Variants in MYBPC3 observed in about 807,000 individuals in gnomAD.
MYBPC3 encodes the protein myosin binding protein C3.
MYBPC3 carries 108 observed loss-of-function variants against 159.3 expected under a neutral mutation model. The ratio of observed to expected loss-of-function variants is 0.68; its 90% CI spans 0.58 to 0.80. The LOEUF is 0.80. Ranked by LOEUF, MYBPC3 falls within the 30% of genes least tolerant of loss-of-function variation. MYBPC3 has a pLI of 0.00. For missense variants in MYBPC3, 1,631 were observed against 1,762.1 expected (o/e 0.93, Z 1.33); for synonymous variants, 730 against 702.0 (o/e 1.04, Z -0.63).
intron 27 of MYBPC3, among the ~76,000 whole-genome samples, chr11:47,334,778 G>A (rs1209944001): frequency 2.6e-5 from 4 of 152,186 alleles, no homozygotes; most frequent in African/African-American, 9.7e-5. Flanking sequence ...GGCCAGGCTG[G>A]TCTCAAACTC....
In MYBPC3 at chr11:47,347,311, A is replaced by G. The variant is rs1276472964; in HGVS notation, c.905+115T>C. On this transcript the variant is annotated intron_variant, in intron 9 of 34. Coordinates refer to ENST00000545968, the MANE Select transcript of MYBPC3 (RefSeq NM_000256.3). ...GATCATCCCCTCGACAGACAAGGAAACCAACTCAGAGAGGTGCAGTGTTGT... is the reference window on the plus strand; with the variant it reads ...GATCATCCCCTCGACAGACAAGGAAGCCAACTCAGAGAGGTGCAGTGTTGT... 3.9e-6 allele frequency: 6 copies of G among 1,529,158 alleles called. No homozygotes were observed. The Admixed American group carries it at 6.0e-5, about 15-fold the overall frequency. The allele number at this position is 1,529,158 out of a possible 1,614,324, so 94.7% of individuals were successfully genotyped here. A position where few individuals can be genotyped will look rare whatever the true frequency, so the allele number is the denominator to read the frequency against.
At chr11:47,348,634 G>A (rs929278944) in intron 5 of MYBPC3, 93 bp from the exon 6 acceptor site, 15 of 970,768 alleles carry the variant, frequency 1.5e-5, no homozygotes, top group Non-Finnish European at 2.3e-5. Flanking sequence ...GGCCGGGCGC[G>A]GTGGCTCAGG....
intron 12 of MYBPC3, among the ~76,000 whole-genome samples, chr11:47,344,945 C>T (rs1426340153): frequency 6.6e-6 from 1 of 152,148 alleles, no homozygotes; most frequent in East Asian, 1.9e-4. Context: ...CGCCTGCCAC[C>T]ATGCCCAGGT....
Position 47,351,308 on chromosome 11 carries a change from C to T in MYBPC3, c.223G>A (p.Asp75Asn), listed in dbSNP as rs375471260. Residue 75 changes from aspartate to asparagine, a missense_variant, in exon 2 of 35, where the codon GAC becomes AAC. Asp to Asn is a conservative substitution (Grantham distance 23). Transcript: ENST00000545968. This position sits in a 1 kb window ranked among gnomAD's most constrained non-coding sequence, Gnocchi z 4.2. Reference protein sequence around the residue: ...TLTVREVGPADQGSYAVIAGS... With the variant: ...TLTVREVGPANQGSYAVIAGS... ...GCAATGACTGCGTAAGATCCCTGGT[C>T]GGCAGGGCCCACTTCCCGCACTGTC... 42 of 1,578,354 alleles carry T rather than the reference C, an allele frequency of 2.7e-5. No individual in the cohort carries two copies. Among genetic ancestry groups the T allele is most frequent in the East Asian group, 4.7e-5 (2 of 42,640 alleles).
rs1565621356 is a variant in MYBPC3, at chr11:47,331,528, C to G, written c.*215G>C. The G allele has an allele frequency of 1.1e-5, 3 of 278,402 alleles. No homozygotes were observed. Among genetic ancestry groups the G allele is most frequent in the Non-Finnish European group, 2.0e-5 (3 of 148,222 alleles). The allele number at this position is 278,402 out of a possible 1,614,324, so 17.2% of individuals were successfully genotyped here. A position where few individuals can be genotyped will look rare whatever the true frequency, so the allele number is the denominator to read the frequency against. On this transcript the variant is annotated 3_prime_UTR_variant, in exon 35 of 35. Coordinates refer to ENST00000545968, the MANE Select transcript of MYBPC3 (RefSeq NM_000256.3). ...GCCACCCTCCTTTTACCCCAAAGAT[C>G]CAGGGGCTTCCTTCAGGAGCCCTGT...
chr11:47,332,286 A>G lies in MYBPC3; in HGVS notation c.3628-28T>C. 1 of 1,605,704 alleles carries G rather than the reference A, an allele frequency of 6.2e-7. No homozygotes were observed. On this transcript the variant is annotated intron_variant, in intron 32 of 34. Coordinates refer to ENST00000545968, the MANE Select transcript of MYBPC3 (RefSeq NM_000256.3). The surrounding 1 kb of genome is among the most constrained non-coding windows in gnomAD (Gnocchi z 4.2). ...ATAAATAAGGTAAAGAGAGGGAGGG[A>G]AGCCATCCAGGCTGAGAGGGGACCT...
intron 3 of MYBPC3, 99 bp from the exon 4 acceptor site, chr11:47,350,211 C>T (rs2095899222): frequency 7.4e-7 from 1 of 1,350,808 alleles, no homozygotes; most frequent in Non-Finnish European, 1.0e-6. Context: ...GCAAGCTCCG[C>T]CTCCCAGGTT....
chr11:47,340,914 G>T (rs10769254), intron 20 of MYBPC3, 89 bp downstream of exon 20: 1 of 1,383,820 alleles, frequency 7.2e-7, no homozygotes. Context: ...TTTGATCCTT[G>T]CTCTTCCCTC....
chr11:47,341,520 A>C (rs1042472236), intron 18 of MYBPC3, among the ~76,000 whole-genome samples: 6 of 152,208 alleles, frequency 3.9e-5, no homozygotes, highest in Non-Finnish European at 8.8e-5. Context: ...ATCTCTGTGA[A>C]CTTGGGCCCA....
At position 47,350,377 on chromosome 11, in the gene MYBPC3, G is replaced by A. The variant is rs11570048; in HGVS notation, c.406+125C>T. 143 of 1,454,768 alleles carry A rather than the reference G, an allele frequency of 9.8e-5. 1 individual carries two copies. In the East Asian group the frequency reaches 1.9e-3, roughly 20 times the overall value. 90.1% of individuals were successfully genotyped at this position (1,454,768 alleles called of 1,614,324 possible). ...CCTGACCTCATGATCCGCCCACCTCGGCCTCCCAAAGTACTGGGGATTATA... is the reference window on the plus strand; with the variant it reads ...CCTGACCTCATGATCCGCCCACCTCAGCCTCCCAAAGTACTGGGGATTATA... On this transcript the variant is annotated intron_variant, in intron 3 of 34. Coordinates refer to ENST00000545968, the MANE Select transcript of MYBPC3 (RefSeq NM_000256.3).
intron 12 of MYBPC3, among the ~76,000 whole-genome samples, chr11:47,344,979 G>A (rs747284738): frequency 1.3e-5 from 2 of 152,132 alleles, no homozygotes; most frequent in Admixed American, 6.5e-5. Context: ...TAGTAGAGAC[G>A]GGGTTTCACC....
In MYBPC3 at chr11:47,351,300, T is replaced by C. The variant is rs1595850589; in HGVS notation, c.231A>G (p.Gly77=). ...AGGAGCCAGCAATGACTGCGTAAGA[T>C]CCCTGGTCGGCAGGGCCCACTTCCC... The part of the protein sequence containing the change: ...TVREVGPADQ[G]SYAVIAGSSK... Residue 77 remains glycine, a synonymous_variant, in exon 2 of 35, where the codon GGA becomes GGG. Transcript: ENST00000545968. The surrounding 1 kb of genome is among the most constrained non-coding windows in gnomAD (Gnocchi z 4.2). The C allele has an allele frequency of 6.4e-7, 1 of 1,574,352 alleles. No homozygotes were observed. The highest frequency in any genetic ancestry group is 1.4e-5 in the African/African-American group (1 of 73,960).
intron 26 of MYBPC3, chr11:47,335,558 C>T: frequency 3.4e-6 from 1 of 295,850 alleles, no homozygotes; most frequent in South Asian, 8.3e-5. Flanking sequence ...AACTCCCGAC[C>T]TCAGGTGATC....
At position 47,346,067 on chromosome 11, in the gene MYBPC3, C is replaced by T; in HGVS notation, c.1090+140G>A. 1 of 1,204,498 alleles carries T rather than the reference C, an allele frequency of 8.3e-7. No homozygotes were observed. Among genetic ancestry groups the T allele is most frequent in the Non-Finnish European group, 1.1e-6 (1 of 878,264 alleles). The allele number at this position is 1,204,498 out of a possible 1,614,324, so 74.6% of individuals were successfully genotyped here. A position where few individuals can be genotyped will look rare whatever the true frequency, so the allele number is the denominator to read the frequency against. On this transcript the variant is annotated intron_variant, in intron 12 of 34. Coordinates refer to ENST00000545968, the MANE Select transcript of MYBPC3 (RefSeq NM_000256.3). The surrounding 1 kb of genome is among the most constrained non-coding windows in gnomAD (Gnocchi z 5.3). ...GTGCTAAGCCGGACTCCGCTCTTTC[C>T]ATGTATGTGGACGAGGTGGGGGGCT...
chr11:47,345,894 A>G (rs2095893588), intron 12 of MYBPC3, among the ~76,000 whole-genome samples: 1 of 151,964 alleles, frequency 6.6e-6, no homozygotes, highest in Non-Finnish European at 1.5e-5. Context: ...AGGAGGGTTA[A>G]CCTGAGCTCT....
chr11:47,337,014 T>G (rs2095882944), intron 25 of MYBPC3, among the ~76,000 whole-genome samples: 2 of 152,178 alleles, frequency 1.3e-5, no homozygotes, highest in African/African-American at 2.4e-5. Context: ...CAGGGGACAA[T>G]GAACATTTAT....
intron 25 of MYBPC3, among the ~76,000 whole-genome samples, chr11:47,337,054 C>T (rs1181517155): frequency 6.6e-6 from 1 of 152,234 alleles, no homozygotes; most frequent in African/African-American, 2.4e-5. Flanking sequence ...AGATGGCCTG[C>T]CTGGTCATCC....
rs1595841864 is a variant in MYBPC3 at position 47,333,672 on chromosome 11, G to A, written c.3075C>T (p.Pro1025=). The A allele has an allele frequency of 6.2e-7, 1 of 1,611,320 alleles. No individual in the cohort carries two copies. The highest frequency in any genetic ancestry group is 8.5e-7 in the Non-Finnish European group (1 of 1,179,784). Residue 1025 remains proline (P), a synonymous_variant, in exon 29 of 35, where the codon CCC becomes CCT. Coordinates refer to ENST00000545968, the MANE Select transcript of MYBPC3 (RefSeq NM_000256.3). ...CCCGGATGAACAGGATGGTGTCTGT[G>A]GGGCTGTTGCGGATGCTCACCTCCT... The part of the protein sequence containing the change: ...AGEEVSIRNS[P]TDTILFIRAA...
At position 47,334,143 on chromosome 11, in the gene MYBPC3, CCTT is replaced by C. The variant is rs1259015683; in HGVS notation, c.2906-136_2906-134del. The C allele has an allele frequency of 4.9e-6, 4 of 811,918 alleles. No homozygotes were observed. In the African/African-American group the frequency reaches 6.9e-5, roughly 14 times the overall value. The allele number at this position is 811,918 out of a possible 1,614,324, so 50.3% of individuals were successfully genotyped here. A position where few individuals can be genotyped will look rare whatever the true frequency, so the allele number is the denominator to read the frequency against. On this transcript the variant is annotated intron_variant, in intron 27 of 34. Transcript: ENST00000545968. ...AAGCTGCCTGCTGGGCCCTGCGCCTCCTTTAGCTCCTGCTAACACAGCAACTCC... is the reference window on the plus strand; with the variant it reads ...AAGCTGCCTGCTGGGCCCTGCGCCTCTAGCTCCTGCTAACACAGCAACTCC...
Sources: gnomAD v4.1 joint callset for allele counts (sites outside exome capture counted in the v4.1 genomes callset) on GRCh38, gnomAD v4.1.1 for gene constraint, Gnocchi (gnomAD v3.1) non-coding constraint, MANE v1.5 for transcripts, NCBI Gene and HGNC (gene_info 2026-07-23, HGNC 2026-07-21) for gene names.